Variants in MAF observed in about 807,000 individuals in gnomAD.
The protein encoded by MAF is transcription factor Maf.
In MAF, 10 loss-of-function variants were observed where a neutral mutation model predicts 22.0. The observed-to-expected ratio is 0.45, with a 90% CI of 0.28 to 0.77. The LOEUF (loss-of-function observed/expected upper bound fraction) is 0.77, where lower values mean the gene tolerates loss of function less well. Among genes scored for constraint, MAF ranks in the 30% least tolerant of loss-of-function variants. The probability of loss-of-function intolerance (pLI) is 0.12; values close to 1 mark genes in which losing one functional copy is unlikely to be tolerated. For synonymous variants in MAF, 337 were observed against 255.8 expected, an observed-to-expected ratio of 1.32 and a Z score of -3.03; for missense variants, 544 against 548.4, an observed-to-expected ratio of 0.99 and a Z score of 0.08.
the MAF span, among the ~76,000 whole-genome samples, chr16:79,479,759 T>C: frequency 6.6e-6 from 1 of 152,248 alleles, no homozygotes. Context: ...AGGTCTGTGC[T>C]GGTACTCTAT....
the MAF span, among the ~76,000 whole-genome samples, chr16:79,567,362 C>T: frequency 1.3e-5 from 2 of 152,064 alleles, 1 homozygote; most frequent in South Asian, 4.1e-4. Flanking sequence ...GTCACTCATT[C>T]AATCTGAGTT....
At chr16:79,578,029 T>C in the MAF span, among the ~76,000 whole-genome samples, 1 of 152,262 alleles carries the variant, frequency 6.6e-6, no homozygotes, top group Non-Finnish European at 1.5e-5. Flanking sequence ...TTTGTAAAAG[T>C]ATTTCCCAAT....
chr16:79,216,085 T>C, the MAF span, among the ~76,000 whole-genome samples: 1 of 152,234 alleles, frequency 6.6e-6, no homozygotes, highest in Non-Finnish European at 1.5e-5. Flanking sequence ...TAGCTTATTC[T>C]ATGGCCAACC....
chr16:79,512,951 G>T, the MAF span, among the ~76,000 whole-genome samples: 7 of 152,320 alleles, frequency 4.6e-5, no homozygotes, highest in African/African-American at 1.4e-4. Flanking sequence ...CGCGAGAGAG[G>T]GGCTGAGTTG....
chr16:79,439,843 G>A, the MAF span, among the ~76,000 whole-genome samples: 5 of 152,212 alleles, frequency 3.3e-5, no homozygotes, highest in African/African-American at 4.8e-5. Context: ...GATCACAGGG[G>A]CAACCAAAGA....
the MAF span, among the ~76,000 whole-genome samples, chr16:79,232,746 G>T: frequency 2.9e-3 from 448 of 151,918 alleles, 10 homozygotes; most frequent in Admixed American, 0.023. Context: ...TTGATCTATG[G>T]ATTTGATAGG....
chr16:79,245,467 C>T, the MAF span, among the ~76,000 whole-genome samples: 2 of 152,070 alleles, frequency 1.3e-5, no homozygotes, highest in Admixed American at 6.6e-5. Context: ...AGCTCATCAT[C>T]ACTGGTCATT....
chr16:79,594,477 T>G lies in MAF; in HGVS notation c.1195A>C (p.Ser399Arg), dbSNP rs1347247273. Residue 399 changes from serine (S) to arginine (R), a missense_variant, in exon 2 of 2, where the codon AGT becomes CGT. Around this residue, in one of 5 missense-constraint regions of MAF, gnomAD observed 129 missense variants for 113.6 expected, o/e 1.14. Coordinates refer to ENST00000326043, the MANE Select transcript of MAF (RefSeq NM_005360.5). ...FWKPQHRVLT[S>R]VFTK ...CACAAATTTCATTTTGTGAACACAC[T>G]GGTAAGTACACGATGCTGGGGCTTC... 1.3e-6 allele frequency: 2 copies of G among 1,561,784 alleles called. No homozygotes were observed. The highest frequency in any genetic ancestry group is 1.2e-5 in the South Asian group (1 of 84,916).
At chr16:79,574,658 C>G in the MAF span, among the ~76,000 whole-genome samples, 1 of 152,044 alleles carries the variant, frequency 6.6e-6, no homozygotes, top group Non-Finnish European at 1.5e-5. Flanking sequence ...GGGAATGTGA[C>G]CTACCCAGGT....
chr16:79,248,912 T>C, the MAF span, among the ~76,000 whole-genome samples: 1 of 152,206 alleles, frequency 6.6e-6, no homozygotes, highest in Non-Finnish European at 1.5e-5. Flanking sequence ...TATCATTAAG[T>C]ACATAATGCA....
chr16:79,588,027 C>A (rs1349119050), intron 1 of MAF, among the ~76,000 whole-genome samples: 1 of 152,160 alleles, frequency 6.6e-6, no homozygotes, highest in Non-Finnish European at 1.5e-5. Flanking sequence ...TCGAGCTGGG[C>A]CGCAGTGAAG....
the MAF span, among the ~76,000 whole-genome samples, chr16:79,316,537 G>GC: frequency 6.6e-6 from 1 of 152,120 alleles, no homozygotes; most frequent in African/African-American, 2.4e-5. Flanking sequence ...TCTTTGAATT[G>GC]CTAAAGCATC....
the MAF span, among the ~76,000 whole-genome samples, chr16:79,365,879 T>C: frequency 6.6e-6 from 1 of 152,206 alleles, no homozygotes; most frequent in Admixed American, 6.5e-5. Flanking sequence ...CCGGAAAACA[T>C]GTGGACTGGG....
the MAF span, among the ~76,000 whole-genome samples, chr16:79,573,932 G>T: frequency 3.3e-5 from 5 of 152,154 alleles, no homozygotes; most frequent in Non-Finnish European, 7.3e-5. Context: ...CTTTTACCAG[G>T]CTCTTATCTC....
chr16:79,369,251 C>A, the MAF span, among the ~76,000 whole-genome samples: 6,437 of 152,208 alleles, frequency 0.042, 268 homozygotes, highest in East Asian at 0.19. Flanking sequence ...ATTTGGGAGC[C>A]TTCCCTATGT....
At chr16:79,256,828 G>C in the MAF span, among the ~76,000 whole-genome samples, 1 of 152,074 alleles carries the variant, frequency 6.6e-6, no homozygotes, top group Non-Finnish European at 1.5e-5. Flanking sequence ...CGTGAGTCTA[G>C]GCATGGGATC....
chr16:79,554,601 C>T, the MAF span, among the ~76,000 whole-genome samples: 2 of 152,134 alleles, frequency 1.3e-5, no homozygotes, highest in African/African-American at 4.8e-5. Context: ...GCCCCTTTGT[C>T]TCTACTGATG....
At chr16:79,369,178 G>A in the MAF span, among the ~76,000 whole-genome samples, 9 of 152,204 alleles carry the variant, frequency 5.9e-5, no homozygotes, top group African/African-American at 2.2e-4. Context: ...AGAGAAGTTA[G>A]TTGCCCAGAG....
the MAF span, among the ~76,000 whole-genome samples, chr16:79,213,519 A>T: frequency 6.6e-6 from 1 of 152,212 alleles, no homozygotes; most frequent in East Asian, 1.9e-4. Context: ...ATGACCTCTG[A>T]CTTTGGCCAT....
Sources: gnomAD v4.1 joint callset for allele counts (sites outside exome capture counted in the v4.1 genomes callset) on GRCh38, gnomAD v4.1.1 for gene constraint, gnomAD v4.1.1 regional missense constraint, MANE v1.5 for transcripts, NCBI Gene and HGNC (gene_info 2026-07-23, HGNC 2026-07-21) for gene names.